RGS20: variants seen among roughly 807,000 people sequenced by gnomAD.
RGS20 encodes gz-selective GTPase-activating protein.
In RGS20, 30 loss-of-function variants were observed where a neutral mutation model predicts 33.6. The observed-to-expected ratio is 0.89, with a 90% confidence interval of 0.67 to 1.21. The LOEUF is 1.21. RGS20 is among the 50% of genes most tolerant of loss of function. The probability of loss-of-function intolerance (pLI) is 0.00; values close to 1 mark genes in which losing one functional copy is unlikely to be tolerated. For missense variants in RGS20, 472 were observed against 502.4 expected, an observed-to-expected ratio of 0.94 and a Z score of 0.58; for synonymous variants, 208 against 197.9, an observed-to-expected ratio of 1.05 and a Z score of -0.43.
chr8:53,955,938 G>A (rs28412019), intron 5 of RGS20, among the ~76,000 whole-genome samples: 23,924 of 152,060 alleles, frequency 0.16, 5,308 homozygotes, highest in African/African-American at 0.5. Flanking sequence ...ACTATGTGCC[G>A]ACAGGAATGT....
intron 2 of RGS20, chr8:53,880,981 C>A (rs201935579): frequency 3.1e-6 from 5 of 1,589,568 alleles, no homozygotes; most frequent in Non-Finnish European, 4.3e-6. Context: ...GGCAGCCCTC[C>A]GCGCTGCAAT....
rs1814489913 is a variant in RGS20 at position 53,946,684 on chromosome 8, G to A, written c.679G>A (p.Glu227Lys). The change falls in exon 4 of 6, where the codon GAA (glutamate) becomes AAA (lysine). Residue 227 changes from glutamate (E) to lysine (K), a missense_variant. By Grantham distance (56) the Glu-to-Lys change is moderately conservative. Transcript: ENST00000297313. Reference sequence around the variant, plus strand: ...TTGCAGTCTCACTGTTAGAAACCAGGAAGATCAGAGGCCCACAATAGCTTC... The same window carrying A: ...TTGCAGTCTCACTGTTAGAAACCAGAAAGATCAGAGGCCCACAATAGCTTC... 3.1e-6 allele frequency: 5 copies of A among 1,612,396 alleles called. No individual in the cohort carries two copies. The highest frequency in any genetic ancestry group is 4.2e-6 in the Non-Finnish European group (5 of 1,179,210).
chr8:53,939,573 C>A lies in RGS20; in HGVS notation c.511-3C>A. The A allele has an allele frequency of 6.4e-7, 1 of 1,550,930 alleles. No homozygotes were observed. Among genetic ancestry groups the A allele is most frequent in the Non-Finnish European group, 8.7e-7 (1 of 1,146,610 alleles). ...GCCCGCTTTGTTCCTCTCCCTCTTG[C>A]AGCAGATGGGATCAGAGCGGATGGA... is the stretch of plus-strand genomic sequence containing the variant. On this transcript the variant is annotated splice_region_variant and splice_polypyrimidine_tract_variant and intron_variant, in intron 2 of 5. Coordinates refer to ENST00000297313, the MANE Select transcript of RGS20 (RefSeq NM_170587.4).
intron 2 of RGS20, chr8:53,914,037 C>CTTTTTTTTTTTTTTTTTT (rs35840682): frequency 1.5e-5 from 2 of 136,962 alleles, no homozygotes; most frequent in South Asian, 2.3e-4. Flanking sequence ...TCCAATCTCT[C>CTTTTTTTTTTTTTTTTTT]TTTTTTTTTT....
At position 53,905,556 on chromosome 8, in the gene RGS20, T is replaced by G. The variant is rs1292494128; in HGVS notation, c.510+25954T>G. ...GAATCGCCTCATCTCAGCATCCTACTAAACAGAACATCACTGTTGACCAGC... is the reference window on the plus strand; with the variant it reads ...GAATCGCCTCATCTCAGCATCCTACGAAACAGAACATCACTGTTGACCAGC... On this transcript the variant is annotated intron_variant, in intron 2 of 5. Coordinates refer to ENST00000297313, the MANE Select transcript of RGS20 (RefSeq NM_170587.4). 2.0e-5 allele frequency among the ~76,000 whole-genome samples: 3 copies of G among 152,174 alleles called. No homozygotes were observed. In the East Asian group the frequency reaches 5.8e-4, roughly 29 times the overall value.
intron 2 of RGS20, among the ~76,000 whole-genome samples, chr8:53,902,869 G>A (rs906537461): frequency 6.6e-6 from 1 of 152,100 alleles, no homozygotes; most frequent in African/African-American, 2.4e-5. Flanking sequence ...GGGATTACAG[G>A]CCCTCGCCAC....
At chr8:53,925,449 G>C (rs761051949) in intron 2 of RGS20, among the ~76,000 whole-genome samples, 14 of 152,200 alleles carry the variant, frequency 9.2e-5, no homozygotes, top group Admixed American at 2.0e-4. Flanking sequence ...GTTCCCAGCA[G>C]GGCAAGATTC....
chr8:53,937,082 A>C (rs544464790), intron 2 of RGS20, among the ~76,000 whole-genome samples: 2 of 152,294 alleles, frequency 1.3e-5, no homozygotes, highest in African/African-American at 4.8e-5. Flanking sequence ...ATAGGTGGGA[A>C]TTGAACAATG....
At chr8:53,881,049 G>A in intron 2 of RGS20, 3 of 1,562,896 alleles carry the variant, frequency 1.9e-6, no homozygotes, top group Non-Finnish European at 2.6e-6. Context: ...GCCGGCCGGG[G>A]CTTCCTCCCC....
At chr8:53,872,839 T>C (rs186234427) in intron 1 of RGS20, among the ~76,000 whole-genome samples, 1 of 149,520 alleles carries the variant, frequency 6.7e-6, no homozygotes, top group African/African-American at 2.5e-5. Flanking sequence ...ATCTTGAGGG[T>C]TTTTTTTTAA....
chr8:53,858,030 TA>T (rs1362310553), intron 1 of RGS20, among the ~76,000 whole-genome samples: 15 of 151,934 alleles, frequency 9.9e-5, no homozygotes, highest in Non-Finnish European at 1.9e-4. Context: ...GAAATAAAAA[TA>T]AAAAAATAAA....
chr8:53,852,060 T>A lies in RGS20; in HGVS notation c.161T>A (p.Ile54Asn). Residue 54 changes from isoleucine to asparagine, a missense_variant, in exon 1 of 6, where the codon ATC (isoleucine) becomes AAC (asparagine). Around this residue, in one of 3 missense-constraint regions of RGS20, gnomAD observed 319 missense variants for 283.4 expected, o/e 1.13. Transcript: ENST00000297313. Reference sequence around the variant, plus strand: ...GGAGACCTCAGGGCTGTTCCTGATATCAAGGTAAGGTGATTTCCACAATCC... The same window carrying A: ...GGAGACCTCAGGGCTGTTCCTGATAACAAGGTAAGGTGATTTCCACAATCC... 1 of 1,610,102 alleles carries A rather than the reference T, an allele frequency of 6.2e-7. No homozygotes were observed.
At chr8:53,922,565 C>A (rs1813678308) in intron 2 of RGS20, among the ~76,000 whole-genome samples, 1 of 152,108 alleles carries the variant, frequency 6.6e-6, no homozygotes. Context: ...TATTTCATGA[C>A]TACTCTGTTC....
chr8:53,939,701 G>T lies in RGS20; in HGVS notation c.636G>T (p.Trp212Cys). ...GGTCCAACGCATGCTGCTTCTGCTG[G>T]TGCTGCTGTTGTAGCTGCTCGTGGT... Residue 212 changes from tryptophan (W) to cysteine (C), a missense_variant, in exon 3 of 6, where the codon TGG becomes TGT. By Grantham distance (215) the Trp-to-Cys change is radical. Coordinates refer to ENST00000297313, the MANE Select transcript of RGS20 (RefSeq NM_170587.4). 1 of 1,563,130 alleles carries T rather than the reference G, an allele frequency of 6.4e-7. No individual in the cohort carries two copies. Among genetic ancestry groups the T allele is most frequent in the South Asian group, 1.2e-5 (1 of 84,914 alleles).
rs1017333500 is a variant in RGS20, at chr8:53,959,264, TC to T, written c.*807del. 24 of 152,242 alleles carry T rather than the reference TC, an allele frequency of 1.6e-4. No homozygotes were observed. The highest frequency in any genetic ancestry group is 5.5e-4 in the African/African-American group (23 of 41,464). 9.4% of individuals were successfully genotyped at this position (152,242 alleles called of 1,614,324 possible). Reference sequence around the variant, plus strand: ...ATTACTGAAAGAAATATGGGCATTTTCATTCTTTAAAGAAATAAAGCACAAG... The same window carrying T: ...ATTACTGAAAGAAATATGGGCATTTTATTCTTTAAAGAAATAAAGCACAAG... On this transcript the variant is annotated 3_prime_UTR_variant, in exon 6 of 6. Transcript: ENST00000297313.
chr8:53,954,835 G>C, intron 5 of RGS20, among the ~76,000 whole-genome samples: 1 of 150,284 alleles, frequency 6.7e-6, no homozygotes, highest in Non-Finnish European at 1.5e-5. Flanking sequence ...TTATAGGTGC[G>C]CACCACCAGG....
intron 2 of RGS20, among the ~76,000 whole-genome samples, chr8:53,933,078 G>A (rs1430490571): frequency 2.6e-5 from 4 of 152,290 alleles, no homozygotes; most frequent in African/African-American, 9.6e-5. Context: ...CAACAAAAAG[G>A]ACGTCCACAC....
At chr8:53,865,621 T>G (rs979549743) in intron 1 of RGS20, among the ~76,000 whole-genome samples, 2 of 152,184 alleles carry the variant, frequency 1.3e-5, no homozygotes, top group African/African-American at 4.8e-5. Context: ...TGTTTGTTTG[T>G]TTTTGAGACA....
At chr8:53,901,280 C>T (rs1378645258) in intron 2 of RGS20, among the ~76,000 whole-genome samples, 1 of 152,090 alleles carries the variant, frequency 6.6e-6, no homozygotes, top group Non-Finnish European at 1.5e-5. Context: ...GTTGGTCAGG[C>T]TGGTCTCGAG....
Sources: allele counts gnomAD v4.1 joint callset (sites outside exome capture counted in the v4.1 genomes callset), GRCh38; gene constraint gnomAD v4.1.1; regional missense constraint gnomAD v4.1.1; transcripts MANE v1.5; gene names NCBI Gene and HGNC (gene_info 2026-07-23, HGNC 2026-07-21).